The following ZBTB7C variants were observed in gnomAD, a reference collection of about 807,000 sequenced individuals.
The protein encoded by ZBTB7C is zinc finger and BTB domain containing 7C, also known as zinc finger and BTB domain-containing protein 7C.
ZBTB7C carries 8 observed loss-of-function variants against 25.7 expected under a neutral mutation model. The ratio of observed to expected loss-of-function variants is 0.31; its 90% CI spans 0.18 to 0.56. The LOEUF (loss-of-function observed/expected upper bound fraction) is 0.56, where lower values mean the gene tolerates loss of function less well. Among genes scored for constraint, ZBTB7C ranks in the 20% least tolerant of loss-of-function variants. The pLI, the probability that ZBTB7C is intolerant of heterozygous loss-of-function variation, is 0.91. For missense variants in ZBTB7C, 824 were observed against 855.2 expected (o/e 0.96, Z 0.46); for synonymous variants, 394 against 369.0 (o/e 1.07, Z -0.78).
At chr18:48,083,428 G>A (rs984125300) in intron 3 of ZBTB7C, among the ~76,000 whole-genome samples, 3 of 151,654 alleles carry the variant, frequency 2.0e-5, no homozygotes, top group African/African-American at 7.3e-5. Flanking sequence ...CTCGTCCCCT[G>A]CCTGTCCTCA....
chr18:48,170,839 C>T (rs544005601), intron 3 of ZBTB7C, among the ~76,000 whole-genome samples: 1 of 152,136 alleles, frequency 6.6e-6, no homozygotes, highest in African/African-American at 2.4e-5. Flanking sequence ...GAGAACCCCC[C>T]GCCCCTGTAC....
intron 2 of ZBTB7C, among the ~76,000 whole-genome samples, chr18:48,189,989 G>A (rs1379116405): frequency 1.3e-5 from 2 of 152,176 alleles, no homozygotes; most frequent in African/African-American, 4.8e-5. Flanking sequence ...GTGGAGTGGA[G>A]GGGCTCTGGC....
chr18:48,389,125 GTAACTGCAGGC>G (rs2047818208), intron 1 of ZBTB7C, among the ~76,000 whole-genome samples: 1 of 151,646 alleles, frequency 6.6e-6, no homozygotes, highest in African/African-American at 2.4e-5. Flanking sequence ...GAGTAGCAGG[GTAACTGCAGGC>G]TGCAAAACCA....
chr18:48,071,651 A>G (rs370919983), intron 3 of ZBTB7C, among the ~76,000 whole-genome samples: 14 of 152,352 alleles, frequency 9.2e-5, no homozygotes, highest in African/African-American at 3.4e-4. Flanking sequence ...TACATAATCA[A>G]AAATAATTGG....
In ZBTB7C at chr18:48,327,305, C is replaced by T. The variant is rs1478741559; in HGVS notation, c.-79+10869G>A. Among the ~76,000 whole-genome samples the T allele has an allele frequency of 7.2e-5, 11 of 152,344 alleles. No homozygotes were observed. In the East Asian group the frequency reaches 1.5e-3, roughly 21 times the overall value. ...CACCATCATCCCAGCTCCTGATGCC[C>T]TGTGGTTCCAGGAACAACCACACTG... On this transcript the variant is annotated intron_variant, in intron 2 of 4. Transcript: ENST00000590800.
intron 3 of ZBTB7C, among the ~76,000 whole-genome samples, chr18:48,058,148 A>C (rs1321392088): frequency 1.3e-5 from 2 of 152,226 alleles, no homozygotes; most frequent in Non-Finnish European, 2.9e-5. Context: ...CAATAATGAA[A>C]ATCTTACTGC....
At chr18:48,215,422 C>T (rs969132943) in intron 2 of ZBTB7C, among the ~76,000 whole-genome samples, 14 of 152,234 alleles carry the variant, frequency 9.2e-5, no homozygotes, top group African/African-American at 3.4e-4. Flanking sequence ...TGTGTTTTAG[C>T]GAGTCATAAG....
chr18:48,276,078 G>A (rs895515365), intron 2 of ZBTB7C, among the ~76,000 whole-genome samples: 7 of 152,104 alleles, frequency 4.6e-5, no homozygotes, highest in East Asian at 1.9e-4. Flanking sequence ...CAGCAACCGC[G>A]ATGGGGTAAA....
At chr18:48,351,681 A>G (rs1339482067) in intron 1 of ZBTB7C, among the ~76,000 whole-genome samples, 3 of 152,256 alleles carry the variant, frequency 2.0e-5, no homozygotes, top group African/African-American at 7.2e-5. Flanking sequence ...AGTCAACTGC[A>G]ATCTAAAAGA....
At chr18:48,273,885 A>T (rs1031942478) in intron 2 of ZBTB7C, among the ~76,000 whole-genome samples, 2 of 152,102 alleles carry the variant, frequency 1.3e-5, no homozygotes, top group Non-Finnish European at 1.5e-5. Flanking sequence ...TTTCCTTTTT[A>T]AAAAAAACAA....
At chr18:48,339,895 G>A (rs1598906195) in intron 1 of ZBTB7C, among the ~76,000 whole-genome samples, 1 of 152,140 alleles carries the variant, frequency 6.6e-6, no homozygotes, top group South Asian at 2.1e-4. Context: ...CACTGCTTTG[G>A]GAGAGGCTAG....
intron 3 of ZBTB7C, among the ~76,000 whole-genome samples, chr18:48,112,428 C>G (rs1484079345): frequency 6.6e-6 from 1 of 151,902 alleles, no homozygotes. Flanking sequence ...CTCACCACAA[C>G]CCCTGCCCTC....
chr18:48,117,903 G>C (rs1368922745), intron 3 of ZBTB7C, among the ~76,000 whole-genome samples: 1 of 151,578 alleles, frequency 6.6e-6, no homozygotes, highest in Non-Finnish European at 1.5e-5. Flanking sequence ...TTTGTACAAA[G>C]CTTCGTGAAA....
intron 2 of ZBTB7C, among the ~76,000 whole-genome samples, chr18:48,257,366 A>G (rs1190933267): frequency 6.6e-6 from 1 of 152,172 alleles, no homozygotes; most frequent in Non-Finnish European, 1.5e-5. Flanking sequence ...TAAACAATAA[A>G]GAGATACCCT....
intron 2 of ZBTB7C, among the ~76,000 whole-genome samples, chr18:48,210,953 T>G (rs1259774188): frequency 6.6e-6 from 1 of 152,110 alleles, no homozygotes; most frequent in African/African-American, 2.4e-5. Context: ...ACTTATAAAA[T>G]TATGCTAATG....
intron 1 of ZBTB7C, among the ~76,000 whole-genome samples, chr18:48,339,656 G>C (rs1165740277): frequency 6.6e-6 from 1 of 152,178 alleles, no homozygotes; most frequent in Admixed American, 6.5e-5. Flanking sequence ...TCAGGGGTGG[G>C]GGATGAGTGG....
At chr18:48,079,351 T>C (rs2037893819) in intron 3 of ZBTB7C, among the ~76,000 whole-genome samples, 1 of 152,222 alleles carries the variant, frequency 6.6e-6, no homozygotes, top group Non-Finnish European at 1.5e-5. Context: ...ATTTGTTGAA[T>C]AAGTGAAATA....
intron 2 of ZBTB7C, among the ~76,000 whole-genome samples, chr18:48,279,746 C>G (rs948061626): frequency 1.3e-5 from 2 of 152,230 alleles, no homozygotes; most frequent in Admixed American, 6.5e-5. Context: ...GAGCCCCAGG[C>G]TGTCCAGGCT....
At chr18:48,271,219 A>T (rs2044476984) in intron 2 of ZBTB7C, among the ~76,000 whole-genome samples, 1 of 152,126 alleles carries the variant, frequency 6.6e-6, no homozygotes, top group South Asian at 2.1e-4. Flanking sequence ...ATAGAATAAG[A>T]AGGAAAACTG....
Sources: allele counts gnomAD v4.1 joint callset (sites outside exome capture counted in the v4.1 genomes callset), GRCh38; gene constraint gnomAD v4.1.1; transcripts MANE v1.5; gene names NCBI Gene and HGNC (gene_info 2026-07-23, HGNC 2026-07-21).